The following FGF14 variants were observed in gnomAD, a reference collection of about 807,000 sequenced individuals.
FGF14 encodes the protein fibroblast growth factor homologous factor 4.
Under a neutral mutation model 25.5 loss-of-function variants are expected in FGF14, and 5 were observed. The ratio of observed to expected loss-of-function variants is 0.20; its 90% CI spans 0.10 to 0.41. FGF14 has a LOEUF of 0.41. Among genes scored for constraint, FGF14 ranks in the 10% least tolerant of loss-of-function variants. The probability of loss-of-function intolerance (pLI) is 1.00; values close to 1 mark genes in which losing one functional copy is unlikely to be tolerated. For missense variants in FGF14, 222 were observed against 320.1 expected, an observed-to-expected ratio of 0.69 and a Z score of 2.34; for synonymous variants, 138 against 118.3, an observed-to-expected ratio of 1.17 and a Z score of -1.08.
chr13:102,273,603 C>T (rs945763528), intron 1 of FGF14, among the ~76,000 whole-genome samples: 6 of 152,124 alleles, frequency 3.9e-5, no homozygotes, highest in Non-Finnish European at 8.8e-5. Flanking sequence ...TAATATAGAA[C>T]ACCTGAAATG....
At chr13:102,040,955 C>T (rs1258267771) in intron 1 of FGF14, among the ~76,000 whole-genome samples, 1 of 150,622 alleles carries the variant, frequency 6.6e-6, no homozygotes, top group Non-Finnish European at 1.5e-5. Context: ...TACCTAATCA[C>T]AGATTGGTGC....
At chr13:102,379,947 T>G (rs541941586) in intron 1 of FGF14, among the ~76,000 whole-genome samples, 1 of 152,308 alleles carries the variant, frequency 6.6e-6, no homozygotes, top group East Asian at 1.9e-4. Context: ...CAGAGACTCA[T>G]CTTCCCCTTT....
chr13:102,159,149 AAAAAAAAAG>A (rs1221839108), intron 1 of FGF14, among the ~76,000 whole-genome samples: 11 of 150,758 alleles, frequency 7.3e-5, no homozygotes, highest in African/African-American at 2.7e-4. Flanking sequence ...CAAAAAAAAA[AAAAAAAAAG>A]AAAAGAAAAG....
At chr13:102,019,627 T>C (rs1482583992) in intron 1 of FGF14, among the ~76,000 whole-genome samples, 3 of 152,170 alleles carry the variant, frequency 2.0e-5, no homozygotes, top group Admixed American at 6.5e-5. Context: ...TTTTTCTACT[T>C]TTAAAGCATA....
chr13:102,182,200 A>G (rs2048703023), intron 1 of FGF14, among the ~76,000 whole-genome samples: 2 of 152,146 alleles, frequency 1.3e-5, no homozygotes, highest in Admixed American at 1.3e-4. Context: ...GCAGGTTTAC[A>G]GAGACGCTAC....
intron 1 of FGF14, among the ~76,000 whole-genome samples, chr13:101,932,182 T>C (rs938876484): frequency 6.6e-6 from 1 of 152,202 alleles, no homozygotes; most frequent in Admixed American, 6.5e-5. Context: ...CAGTCTTGCC[T>C]TTATTTTGAG....
chr13:102,070,794 AT>A (rs1307733740), intron 1 of FGF14, among the ~76,000 whole-genome samples: 1 of 152,202 alleles, frequency 6.6e-6, no homozygotes, highest in Non-Finnish European at 1.5e-5. Context: ...TTAAAACAGG[AT>A]TTAAATTTTT....
rs1424702221 is a variant in FGF14 at position 102,009,880 on chromosome 13, C to CATATATATATATATA, written c.209-134585_209-134584insTATATATATATATAT. Among the ~76,000 whole-genome samples, 11 of 152,220 alleles carry CATATATATATATATA rather than the reference C, an allele frequency of 7.2e-5. No homozygotes were observed. In the East Asian group the frequency reaches 2.1e-3, roughly 29 times the overall value. ...GAAATATAGAGGTTATTAGTGAAGC[C>CATATATATATATATA]TTCCAAAGCCATACAAAGATGATAC... On this transcript the variant is annotated intron_variant, in intron 1 of 4. Transcript: ENST00000376131.
chr13:102,248,869 ATGAT>A (rs1175741139), intron 1 of FGF14, among the ~76,000 whole-genome samples: 1 of 152,058 alleles, frequency 6.6e-6, no homozygotes. Flanking sequence ...AAAGAAAAGA[ATGAT>A]TGAGACTTGA....
At chr13:101,780,553 T>C (rs1449600214) in intron 3 of FGF14, among the ~76,000 whole-genome samples, 1 of 152,220 alleles carries the variant, frequency 6.6e-6, no homozygotes, top group East Asian at 1.9e-4. Context: ...TGACTTGTCA[T>C]GGTCAGTGTC....
At chr13:102,141,488 G>A (rs140520145) in intron 1 of FGF14, among the ~76,000 whole-genome samples, 16 of 152,266 alleles carry the variant, frequency 1.1e-4, no homozygotes, top group African/African-American at 3.9e-4. Context: ...ATTTCAAGAC[G>A]AGAAAATGCA....
intron 1 of FGF14, among the ~76,000 whole-genome samples, chr13:102,018,542 C>A (rs995951355): frequency 3.3e-5 from 5 of 152,060 alleles, no homozygotes; most frequent in African/African-American, 1.2e-4. Context: ...AGTCTTATTC[C>A]TTACAGAACA....
In FGF14 at chr13:101,765,984, CT is replaced by C. The variant is rs539136807; in HGVS notation, c.409-39175del. Among the ~76,000 whole-genome samples, 26 of 152,306 alleles carry C rather than the reference CT, an allele frequency of 1.7e-4. No homozygotes were observed. In the South Asian group the frequency reaches 4.6e-3, roughly 27 times the overall value. ...CCTCAGGTGATCTGCCCACCTTGGC[CT>C]CCCAAAGTGCTGGGATTACAGGCAT... On this transcript the variant is annotated intron_variant, in intron 3 of 4. Transcript: ENST00000376143.
intron 3 of FGF14, chr13:101,802,066 G>T (rs2040906712): frequency 3.0e-6 from 1 of 333,724 alleles, no homozygotes; most frequent in South Asian, 2.9e-5. Context: ...CTGATAAAAT[G>T]GCAAAGGCAG....
At chr13:101,787,313 G>A (rs116120733) in intron 3 of FGF14, among the ~76,000 whole-genome samples, 2 of 152,114 alleles carry the variant, frequency 1.3e-5, no homozygotes, top group Non-Finnish European at 2.9e-5. Context: ...CTAGCATATT[G>A]AATAGCTGTC....
At position 101,722,343 on chromosome 13, in the gene FGF14, T is replaced by A. The variant is rs2035050953; in HGVS notation, c.*488A>T. On this transcript the variant is annotated 3_prime_UTR_variant, in exon 5 of 5. Transcript: ENST00000376143. The stretch of plus-strand genomic sequence containing the variant: ...AATCCCTGCAAAAGGTCACAGACAG[T>A]GGAGCGAGCAGCCCTGTAAAAATGG... The A allele has an allele frequency of 4.8e-6, 1 of 206,698 alleles. No homozygotes were observed. The highest frequency in any genetic ancestry group is 9.9e-6 in the Non-Finnish European group (1 of 101,370). 12.8% of individuals were successfully genotyped at this position (206,698 alleles called of 1,614,324 possible).
chr13:102,081,587 T>TA (rs897339479), intron 1 of FGF14, among the ~76,000 whole-genome samples: 34 of 150,686 alleles, frequency 2.3e-4, no homozygotes, highest in African/African-American at 4.1e-4. Flanking sequence ...CTGCTCTTTT[T>TA]AAAAAAAAAA....
Position 101,722,447 on chromosome 13 carries a change from T to C in FGF14, c.*384A>G, listed in dbSNP as rs926705876. On this transcript the variant is annotated 3_prime_UTR_variant, in exon 5 of 5. Transcript: ENST00000376143. The stretch of plus-strand genomic sequence containing the variant: ...TCAATATTATTTGTGTGCTACAAAA[T>C]TGAACTTAAACACATAGATTTCGCT... The C allele has an allele frequency of 6.3e-6, 2 of 319,050 alleles. No homozygotes were observed. Among genetic ancestry groups the C allele is most frequent in the African/African-American group, 4.3e-5 (2 of 46,462 alleles). The allele number at this position is 319,050 out of a possible 1,614,324, so 19.8% of individuals were successfully genotyped here. A position where few individuals can be genotyped will look rare whatever the true frequency, so the allele number is the denominator to read the frequency against.
intron 1 of FGF14, among the ~76,000 whole-genome samples, chr13:101,970,634 G>T (rs1181889860): frequency 6.6e-6 from 1 of 152,142 alleles, no homozygotes; most frequent in Non-Finnish European, 1.5e-5. Context: ...ATGTCTGACT[G>T]TAAGGAAAGT....
Sources: allele counts gnomAD v4.1 joint callset (sites outside exome capture counted in the v4.1 genomes callset), GRCh38; gene constraint gnomAD v4.1.1; transcripts MANE v1.5; gene names NCBI Gene and HGNC (gene_info 2026-07-23, HGNC 2026-07-21).